The following OR1L8 variants were observed in gnomAD, a reference collection of about 807,000 sequenced individuals.
OR1L8 encodes olfactory receptor 1L8.
For missense variants in OR1L8, 330 were observed against 377.4 expected (o/e 0.87, Z 1.04); for synonymous variants, 148 against 147.0 (o/e 1.01, Z -0.05).
intron 1 of OR1L8, among the ~76,000 whole-genome samples, chr9:122,581,036 T>C (rs1317165238): frequency 6.6e-6 from 1 of 152,148 alleles, no homozygotes; most frequent in Non-Finnish European, 1.5e-5. Flanking sequence ...GACTGAATAT[T>C]AAATATAATT....
At chr9:122,548,932 GTTGA>G in the OR1L8 span, among the ~76,000 whole-genome samples, 1 of 152,030 alleles carries the variant, frequency 6.6e-6, no homozygotes, top group South Asian at 2.1e-4. Context: ...TGTTTACTCT[GTTGA>G]TTATTTCTTT....
At chr9:122,576,092 T>C (rs1829650045) in intron 3 of OR1L8, among the ~76,000 whole-genome samples, 1 of 152,246 alleles carries the variant, frequency 6.6e-6, no homozygotes, top group Non-Finnish European at 1.5e-5. Flanking sequence ...AATAATATTG[T>C]AAGGCTGAAT....
At chr9:122,582,803 AG>A (rs1829754079) in intron 1 of OR1L8, among the ~76,000 whole-genome samples, 1 of 152,158 alleles carries the variant, frequency 6.6e-6, no homozygotes. Context: ...AGACTAAAAA[AG>A]TTAGTAGCCA....
chr9:122,580,564 G>GT (rs767153349), intron 1 of OR1L8, among the ~76,000 whole-genome samples: 110 of 152,254 alleles, frequency 7.2e-4, no homozygotes, highest in Non-Finnish European at 1.3e-3. Context: ...GCTGAAGATC[G>GT]TAACAATGCC....
chr9:122,574,950 T>C (rs1166218829), intron 3 of OR1L8, among the ~76,000 whole-genome samples: 4 of 152,112 alleles, frequency 2.6e-5, no homozygotes, highest in African/African-American at 9.7e-5. Flanking sequence ...CATCTATTTA[T>C]GTATTCATGT....
At chr9:122,564,284 T>C (rs1829397332), downstream of OR1L8, among the ~76,000 whole-genome samples, 1 of 152,208 alleles carries the variant, frequency 6.6e-6, no homozygotes, top group South Asian at 2.1e-4. Context: ...TCCTCAATTC[T>C]AACTGTGGTT....
intron 1 of OR1L8, among the ~76,000 whole-genome samples, chr9:122,580,346 G>C (rs978886393): frequency 1.3e-5 from 2 of 152,276 alleles, no homozygotes; most frequent in Non-Finnish European, 2.9e-5. Flanking sequence ...AGCCTTCGAC[G>C]TACAGGATGG....
At position 122,568,181 on chromosome 9, in the gene OR1L8, C is replaced by G. The variant is rs1405873633; in HGVS notation, c.297G>C (p.Leu99=). 3.1e-6 allele frequency: 5 copies of G among 1,614,176 alleles called. No homozygotes were observed. Among genetic ancestry groups the G allele is most frequent in the Non-Finnish European group, 4.2e-6 (5 of 1,180,020 alleles). The change falls in exon 5 of 5, where the codon CTG becomes CTC. Residue 99 remains leucine (L), a synonymous_variant. Coordinates refer to ENST00000641027, the MANE Select transcript of OR1L8 (RefSeq NM_001004454.2). ...EKKTISYAGC[L]TQMYFLYALG... is the part of the protein sequence containing the mutation. ...AGGCATAGAGAAAATACATCTGTGTCAGACACCCAGCATAGGAGATGGTCT... is the reference window on the plus strand; with the variant it reads ...AGGCATAGAGAAAATACATCTGTGTGAGACACCCAGCATAGGAGATGGTCT...
Position 122,568,366 on chromosome 9 carries a change from C to G in OR1L8, c.112G>C (p.Val38Leu). The G allele has an allele frequency of 6.2e-7, 1 of 1,613,782 alleles. No homozygotes were observed. Among genetic ancestry groups the G allele is most frequent in the Non-Finnish European group, 8.5e-7 (1 of 1,179,734 alleles). Residue 38 changes from valine (V) to leucine (L), a missense_variant, in exon 5 of 5, where the codon GTC becomes CTC. By Grantham distance (32) the Val-to-Leu change is conservative. Coordinates refer to ENST00000641027, the MANE Select transcript of OR1L8 (RefSeq NM_001004454.2). ...LFVLFLIVYL[V>L]TITGNLLIIL... ...ATGAGCAGGTTCCCTGTTATGGTGA[C>G]CAGGTACACGATGAGGAAGAGAACA...
intron 3 of OR1L8, among the ~76,000 whole-genome samples, chr9:122,576,059 A>G (rs1432538702): frequency 6.6e-6 from 1 of 152,182 alleles, no homozygotes; most frequent in East Asian, 1.9e-4. Context: ...TGGCAAATGG[A>G]AAGATCTACT....
chr9:122,567,354 G>A lies in OR1L8; in HGVS notation c.*194C>T, dbSNP rs1829446142. On this transcript the variant is annotated 3_prime_UTR_variant, in exon 5 of 5. Transcript: ENST00000641027. Reference sequence around the variant, plus strand: ...TCCAAGAAAGAGGAGACACAGACAGGAAACGATTGTGATTTAAGAGATACA... The same window carrying A: ...TCCAAGAAAGAGGAGACACAGACAGAAAACGATTGTGATTTAAGAGATACA... The A allele has an allele frequency of 1.6e-5, 7 of 451,426 alleles. No individual in the cohort carries two copies. The South Asian group carries it at 1.9e-4, about 12-fold the overall frequency. 28.0% of individuals were successfully genotyped at this position (451,426 alleles called of 1,614,324 possible). A position where few individuals can be genotyped will look rare whatever the true frequency, so the allele number is the denominator to read the frequency against.
the OR1L8 span, among the ~76,000 whole-genome samples, chr9:122,555,484 G>T: frequency 0.019 from 2,939 of 152,240 alleles, 88 homozygotes; most frequent in African/African-American, 0.066. Context: ...GGTTGGGAAA[G>T]GCAAGTTTTG....
the OR1L8 span, among the ~76,000 whole-genome samples, chr9:122,549,656 A>G: frequency 6.6e-6 from 1 of 152,136 alleles, no homozygotes. Flanking sequence ...AACTTTGTCA[A>G]ATATCAGTTG....
At chr9:122,550,368 A>G in the OR1L8 span, among the ~76,000 whole-genome samples, 34 of 152,284 alleles carry the variant, frequency 2.2e-4, no homozygotes, top group African/African-American at 7.5e-4. Context: ...CAAAAAATCA[A>G]TGAGGAAAGA....
the OR1L8 span, chr9:122,554,234 T>A: frequency 8.6e-7 from 1 of 1,168,228 alleles, no homozygotes. Context: ...GTAATTCTAC[T>A]ACTGTCATGT....
chr9:122,557,110 T>C, the OR1L8 span, among the ~76,000 whole-genome samples: 88,244 of 151,958 alleles, frequency 0.58, 26,143 homozygotes, highest in East Asian at 0.97. Flanking sequence ...GCTATAATTC[T>C]TTTAGTTCCA....
At chr9:122,571,922 G>T (rs1829560398) in intron 4 of OR1L8, among the ~76,000 whole-genome samples, 1 of 152,096 alleles carries the variant, frequency 6.6e-6, no homozygotes, top group Admixed American at 6.5e-5. Context: ...TCCAAACTGG[G>T]TAATTTTTAA....
the OR1L8 span, among the ~76,000 whole-genome samples, chr9:122,548,589 T>TATATATATATATATATATATATA: frequency 6.6e-6 from 1 of 151,176 alleles, no homozygotes; most frequent in Non-Finnish European, 1.5e-5. Flanking sequence ...TTTAAAATTT[T>TATATATATATATATATATATATA]TATATATATA....
At chr9:122,576,745 T>C (rs1252539091) in intron 3 of OR1L8, 21 bp downstream of exon 3, 1 of 152,240 alleles carries the variant, frequency 6.6e-6, no homozygotes, top group Non-Finnish European at 1.5e-5. Context: ...AATTCATCAA[T>C]TACAGTTCAG....
Sources: allele counts gnomAD v4.1 joint callset (sites outside exome capture counted in the v4.1 genomes callset), GRCh38; gene constraint gnomAD v4.1.1; transcripts MANE v1.5; gene names NCBI Gene and HGNC (gene_info 2026-07-23, HGNC 2026-07-21).